RYR1: variants seen among roughly 807,000 people sequenced by gnomAD.
RYR1 encodes ryanodine receptor 1, also known as central core disease of muscle.
Under a neutral mutation model 583.5 loss-of-function variants are expected in RYR1, and 342 were observed. The observed-to-expected ratio is 0.59, with a 90% confidence interval of 0.54 to 0.64. The LOEUF (loss-of-function observed/expected upper bound fraction) is 0.64. RYR1 is among the 30% of genes least tolerant of loss of function. The pLI is 0.00. For missense variants in RYR1, 6,032 were observed against 6,917.2 expected (o/e 0.87, Z 4.54); for synonymous variants, 2,791 against 2,822.5 (o/e 0.99, Z 0.35).
intron 16 of RYR1, among the ~76,000 whole-genome samples, chr19:38,457,280 G>A (rs58037715): frequency 1.3e-5 from 2 of 151,756 alleles, no homozygotes; most frequent in Admixed American, 1.3e-4. Flanking sequence ...CCCAACTCAT[G>A]TGACCCTCCC....
chr19:38,515,486 C>T (rs560724311), intron 64 of RYR1, among the ~76,000 whole-genome samples: 3 of 152,310 alleles, frequency 2.0e-5, no homozygotes, highest in African/African-American at 7.2e-5. Flanking sequence ...TTTCCACCAG[C>T]TCTGAAGTTA....
At chr19:38,513,163 C>A (rs1970805035) in intron 63 of RYR1, among the ~76,000 whole-genome samples, 1 of 152,010 alleles carries the variant, frequency 6.6e-6, no homozygotes, top group Non-Finnish European at 1.5e-5. Flanking sequence ...CATGATGAAA[C>A]CTTGTCTCTA....
intron 18 of RYR1, among the ~76,000 whole-genome samples, chr19:38,458,753 T>C (rs140240735): frequency 6.6e-6 from 1 of 152,224 alleles, no homozygotes; most frequent in African/African-American, 2.4e-5. Context: ...GCCTCCTGAG[T>C]AGCTGGGATT....
At chr19:38,510,421 C>A in intron 58 of RYR1, 77 bp from the exon 59 acceptor site, 1 of 1,467,456 alleles carries the variant, frequency 6.8e-7, no homozygotes, top group Non-Finnish European at 9.5e-7. Context: ...AACTCTGCTC[C>A]CAGCATCCTT....
At chr19:38,585,763 G>A (rs778748833) in intron 102 of RYR1, among the ~76,000 whole-genome samples, 175 bp from the exon 103 acceptor site, 6 of 152,028 alleles carry the variant, frequency 3.9e-5, no homozygotes, top group Admixed American at 6.6e-5. Context: ...GATTACAGGC[G>A]TGAGCCACCG....
chr19:38,465,594 C>T (rs1464331874), intron 23 of RYR1, among the ~76,000 whole-genome samples: 1 of 152,108 alleles, frequency 6.6e-6, no homozygotes, highest in African/African-American at 2.4e-5. Flanking sequence ...GTGAAACCCA[C>T]CCTCTACCAA....
intron 47 of RYR1, 125 bp from the exon 48 acceptor site, chr19:38,502,382 T>C: frequency 1.2e-6 from 1 of 856,508 alleles, no homozygotes; most frequent in African/African-American, 1.7e-5. Flanking sequence ...TGGTAGAGAT[T>C]GGGAGGAGCA....
In RYR1 at chr19:38,570,603, T is replaced by G; in HGVS notation, c.13660-4T>G. Reference sequence around the variant, plus strand: ...GCTTTCTCTCTTTTTCTCTTCTCTCTCAGAACTACCTGTCCCGGAACTTTT... The same window carrying G: ...GCTTTCTCTCTTTTTCTCTTCTCTCGCAGAACTACCTGTCCCGGAACTTTT... On this transcript the variant is annotated splice_polypyrimidine_tract_variant and splice_region_variant and intron_variant, in intron 93 of 105. Transcript: ENST00000359596. The G allele has an allele frequency of 6.2e-7, 1 of 1,612,806 alleles. No homozygotes were observed.
rs570069258 is a variant in RYR1, at chr19:38,461,196, C to T, written c.2577+605C>T. ...AAAAACAACCAACATTTTGGGAAGC[C>T]GAAGTGGGGGCCTCGCGCTTGAGCC... On this transcript the variant is annotated intron_variant, in intron 20 of 105. Coordinates refer to ENST00000359596, the MANE Select transcript of RYR1 (RefSeq NM_000540.3). Among the ~76,000 whole-genome samples the T allele has an allele frequency of 9.5e-4, 145 of 151,962 alleles. 1 individual carries two copies. The highest frequency in any genetic ancestry group is 2.5e-3 in the African/African-American group (104 of 41,436).
intron 49 of RYR1, among the ~76,000 whole-genome samples, chr19:38,503,945 C>A (rs1157078855): frequency 2.6e-5 from 4 of 152,062 alleles, no homozygotes; most frequent in African/African-American, 9.7e-5. Flanking sequence ...AATATTAGCA[C>A]GCTTATTTGT....
Position 38,585,936 on chromosome 19 carries a change from A to G in RYR1, c.14804-2A>G. The G allele has an allele frequency of 6.2e-7, 1 of 1,614,058 alleles. No homozygotes were observed. Among genetic ancestry groups the G allele is most frequent in the Non-Finnish European group, 8.5e-7 (1 of 1,180,000 alleles). ...GCACTGACTTGTGTCCTGCCACCCC[A>G]GGTCTGATCATCGACGCTTTTGGTG... On this transcript the variant is annotated splice_acceptor_variant, in intron 102 of 105. Coordinates refer to ENST00000359596, the MANE Select transcript of RYR1 (RefSeq NM_000540.3). LOFTEE classifies it high-confidence loss of function.
Position 38,516,170 on chromosome 19 carries a change from A to G in RYR1, c.9638A>G (p.Tyr3213Cys), listed in dbSNP as rs886054398. The G allele has an allele frequency of 1.3e-6, 2 of 1,564,660 alleles. No individual in the cohort carries two copies. Among genetic ancestry groups the G allele is most frequent in the Non-Finnish European group, 1.7e-6 (2 of 1,154,470 alleles). Residue 3213 changes from tyrosine to cysteine, a missense_variant, in exon 65 of 106, where the codon TAC becomes TGC. Tyr to Cys is a radical substitution (Grantham distance 194, BLOSUM62 -2). Coordinates refer to ENST00000359596, the MANE Select transcript of RYR1 (RefSeq NM_000540.3). ...VAFLEPQLNE[Y>C]NACSVYTTKS... ...TTCCTGGAGCCGCAGCTGAACGAGT[A>G]CAACGCCTGCTCCGTGTACACCACC...
Position 38,572,032 on chromosome 19 carries a change from C to T in RYR1, c.13760C>T (p.Pro4587Leu), listed in dbSNP as rs143520367. Residue 4587 changes from proline (P) to leucine (L), a missense_variant, in exon 95 of 106, where the codon CCA (proline) becomes CTA (leucine). Coordinates refer to ENST00000359596, the MANE Select transcript of RYR1 (RefSeq NM_000540.3). ...ILLFYKVSDS[P>L]PGEDDMEGSA... ...TCCCCATTTCAGGTCTCAGACTCTC[C>T]ACCAGGGGAGGACGACATGGAAGGC... is the stretch of plus-strand genomic sequence containing the variant. The T allele has an allele frequency of 2.7e-5, 43 of 1,613,898 alleles. No individual in the cohort carries two copies. The highest frequency in any genetic ancestry group is 3.6e-5 in the Non-Finnish European group (42 of 1,180,050).
intron 38 of RYR1, 57 bp from the exon 39 acceptor site, chr19:38,494,295 C>T (rs1028631896): frequency 6.2e-7 from 1 of 1,607,372 alleles, no homozygotes; most frequent in African/African-American, 1.3e-5. Context: ...GGTCCAAGGC[C>T]CCATGTGCCG....
In RYR1 at chr19:38,483,570, G is replaced by A. The variant is rs1300691041; in HGVS notation, c.4934+54G>A. ...GGGCAGGTGTTGCAAGCCCTCTGGGGTCTGGGTCCCACTCAGTGCCCCTCC... is the reference window on the plus strand; with the variant it reads ...GGGCAGGTGTTGCAAGCCCTCTGGGATCTGGGTCCCACTCAGTGCCCCTCC... On this transcript the variant is annotated intron_variant, in intron 33 of 105. Transcript: ENST00000359596. The surrounding 1 kb of genome is among the most constrained non-coding windows in gnomAD (Gnocchi z 6.3). The A allele has an allele frequency of 3.4e-6, 5 of 1,477,100 alleles. No individual in the cohort carries two copies. The African/African-American group carries it at 7.0e-5, about 21-fold the overall frequency. The allele number at this position is 1,477,100 out of a possible 1,614,324, so 91.5% of individuals were successfully genotyped here.
chr19:38,575,744 A>C (rs1410144168), intron 96 of RYR1, among the ~76,000 whole-genome samples, 175 bp from the exon 97 acceptor site: 1 of 152,166 alleles, frequency 6.6e-6, no homozygotes, highest in Non-Finnish European at 1.5e-5. Flanking sequence ...CAAAGTTTGC[A>C]GTGAGCAGAT....
intron 89 of RYR1, among the ~76,000 whole-genome samples, chr19:38,555,153 A>G (rs1182565502): frequency 6.6e-6 from 1 of 152,052 alleles, no homozygotes; most frequent in Non-Finnish European, 1.5e-5. Flanking sequence ...TGGTATCATA[A>G]AATATATATG....
At chr19:38,529,904 G>A (rs1971655380) in intron 76 of RYR1, among the ~76,000 whole-genome samples, 1 of 152,222 alleles carries the variant, frequency 6.6e-6, no homozygotes, top group East Asian at 1.9e-4. Flanking sequence ...GCCACACTGT[G>A]AGACGGATTA....
chr19:38,454,132 G>T (rs373819271), intron 13 of RYR1, among the ~76,000 whole-genome samples: 15 of 152,118 alleles, frequency 9.9e-5, no homozygotes, highest in Non-Finnish European at 1.5e-4. Flanking sequence ...CACCTCCCAG[G>T]TTCAAATGAT....
Sources: allele counts gnomAD v4.1 joint callset (sites outside exome capture counted in the v4.1 genomes callset), GRCh38; gene constraint gnomAD v4.1.1; non-coding constraint Gnocchi (gnomAD v3.1); transcripts MANE v1.5; gene names NCBI Gene and HGNC (gene_info 2026-07-23, HGNC 2026-07-21).